MCM6: variants seen among roughly 807,000 people sequenced by gnomAD.
The protein encoded by MCM6 is DNA replication licensing factor MCM6.
Under a neutral mutation model 94.3 loss-of-function variants are expected in MCM6, and 46 were observed. The ratio of observed to expected loss-of-function variants is 0.49; its 90% CI spans 0.39 to 0.62. MCM6 has a LOEUF of 0.62. Among genes scored for constraint, MCM6 ranks in the 20% least tolerant of loss-of-function variants. The pLI is 0.00. For missense variants in MCM6, 865 were observed against 1,017.9 expected (o/e 0.85, Z 2.04); for synonymous variants, 335 against 351.9 (o/e 0.95, Z 0.54).
chr2:135,875,674 A>C (rs1467429548), intron 1 of MCM6, among the ~76,000 whole-genome samples: 1 of 152,172 alleles, frequency 6.6e-6, no homozygotes, highest in Non-Finnish European at 1.5e-5. Context: ...GGCCAGAGGG[A>C]AAGGGGAGCA....
intron 16 of MCM6, among the ~76,000 whole-genome samples, chr2:135,842,087 A>C (rs1254499362): frequency 6.6e-6 from 1 of 151,826 alleles, no homozygotes; most frequent in Admixed American, 6.6e-5. Flanking sequence ...TCTGGGCAAC[A>C]GAGCAAGACT....
chr2:135,843,509 T>C (rs1393067844), intron 16 of MCM6, among the ~76,000 whole-genome samples: 1 of 151,806 alleles, frequency 6.6e-6, no homozygotes, highest in Non-Finnish European at 1.5e-5. Context: ...AAAGTGAGCG[T>C]ATCGCCTGAG....
chr2:135,860,855 A>G (rs925877999), intron 8 of MCM6, among the ~76,000 whole-genome samples: 1 of 152,240 alleles, frequency 6.6e-6, no homozygotes, highest in Non-Finnish European at 1.5e-5. Flanking sequence ...CTTCTATTCA[A>G]CATTATACTG....
In MCM6 at chr2:135,840,608, T is replaced by C. The variant is rs1558751566; in HGVS notation, c.*227A>G. ...GACTACACATTATTTGGTTCCAACTTCACTGGGACAGGAAACACACCAAAG... is the reference window on the plus strand; with the variant it reads ...GACTACACATTATTTGGTTCCAACTCCACTGGGACAGGAAACACACCAAAG... On this transcript the variant is annotated 3_prime_UTR_variant, in exon 17 of 17. Coordinates refer to ENST00000264156, the MANE Select transcript of MCM6 (RefSeq NM_005915.6). 1.0e-5 allele frequency: 5 copies of C among 492,948 alleles called. No homozygotes were observed. The East Asian group carries it at 1.7e-4, about 17-fold the overall frequency. 30.5% of individuals were successfully genotyped at this position (492,948 alleles called of 1,614,324 possible).
chr2:135,856,864 G>A lies in MCM6; in HGVS notation c.1490C>T (p.Thr497Met), dbSNP rs1355429774. Residue 497 changes from threonine (T) to methionine (M), a missense_variant, in exon 11 of 17, where the codon ACG becomes ATG. Transcript: ENST00000264156. Reference protein sequence around the residue: ...AGVKATLNARTSILAAANPIS... With the variant: ...AGVKATLNARMSILAAANPIS... ...TGGGTTTGCTGCTGCCAAAATGGACGTCCGGGCGTTCAGAGTAGCCTGACC... is the reference window on the plus strand; with the variant it reads ...TGGGTTTGCTGCTGCCAAAATGGACATCCGGGCGTTCAGAGTAGCCTGACC... 2.5e-6 allele frequency: 4 copies of A among 1,613,824 alleles called. No homozygotes were observed. The highest frequency in any genetic ancestry group is 3.4e-6 in the Non-Finnish European group (4 of 1,179,870).
At chr2:135,852,505 A>G (rs1679796291) in intron 12 of MCM6, among the ~76,000 whole-genome samples, 2 of 152,222 alleles carry the variant, frequency 1.3e-5, no homozygotes, top group South Asian at 2.1e-4. Context: ...TGTTTGAAAT[A>G]AAAGAATGTT....
At position 135,844,548 on chromosome 2, in the gene MCM6, G is replaced by T; in HGVS notation, c.2346C>A (p.His782Gln). 1 of 1,566,460 alleles carries T rather than the reference G, an allele frequency of 6.4e-7. No individual in the cohort carries two copies. The highest frequency in any genetic ancestry group is 1.7e-4 in the Middle Eastern group (1 of 5,948). Residue 782 changes from histidine to glutamine, a missense_variant, in exon 16 of 17, where the codon CAC becomes CAA. Around this residue, in one of 3 missense-constraint regions of MCM6, gnomAD observed 308 missense variants for 324.5 expected, o/e 0.95. Coordinates refer to ENST00000264156, the MANE Select transcript of MCM6 (RefSeq NM_005915.6). ...GCACGCGCACTTCTGCACCTACATA[G>T]TGTGTGAGTCGATGAATAACTTTCT... is the stretch of plus-strand genomic sequence containing the variant. The part of the protein sequence containing the change: ...IIEKVIHRLT[H>Q]YDHVLIELTQ...
chr2:135,856,981 A>C, intron 10 of MCM6, 98 bp from the exon 11 acceptor site: 1 of 1,079,660 alleles, frequency 9.3e-7, no homozygotes, highest in Non-Finnish European at 1.3e-6. Flanking sequence ...ACTAAACACA[A>C]ACCAAAATAA....
At position 135,868,605 on chromosome 2, in the gene MCM6, A is replaced by G; in HGVS notation, c.615+6T>C. Reference sequence around the variant, plus strand: ...ACTCTGATCTAAACAGATGTTAAATAAATACCTTTTGAAAATCAACAAATC... The same window carrying G: ...ACTCTGATCTAAACAGATGTTAAATGAATACCTTTTGAAAATCAACAAATC... On this transcript the variant is annotated splice_donor_region_variant and intron_variant, in intron 4 of 16. Coordinates refer to ENST00000264156, the MANE Select transcript of MCM6 (RefSeq NM_005915.6). The G allele has an allele frequency of 6.2e-6, 10 of 1,613,518 alleles. No individual in the cohort carries two copies. The highest frequency in any genetic ancestry group is 8.5e-6 in the Non-Finnish European group (10 of 1,179,376).
intron 11 of MCM6, among the ~76,000 whole-genome samples, chr2:135,856,484 C>T (rs981632338): frequency 2.6e-5 from 4 of 152,172 alleles, no homozygotes; most frequent in Non-Finnish European, 4.4e-5. Flanking sequence ...AACTTGTTTC[C>T]TTTTGAGAAA....
rs1052124340 is a variant in MCM6 at position 135,851,347 on chromosome 2, A to G, written c.1917+55T>C. On this transcript the variant is annotated intron_variant, in intron 13 of 16. Transcript: ENST00000264156. ...GTATGTCCCATACCAAAGATTAAAA[A>G]CATGCAACAAATCTGTTTATCTCTG... The G allele has an allele frequency of 2.1e-6, 3 of 1,428,892 alleles. No individual in the cohort carries two copies. The African/African-American group carries it at 4.2e-5, about 20-fold the overall frequency. 88.5% of individuals were successfully genotyped at this position (1,428,892 alleles called of 1,614,324 possible). A position where few individuals can be genotyped will look rare whatever the true frequency, so the allele number is the denominator to read the frequency against.
intron 3 of MCM6, 118 bp from the exon 4 acceptor site, chr2:135,868,978 G>T: frequency 1.1e-6 from 1 of 922,836 alleles, no homozygotes; most frequent in Non-Finnish European, 1.6e-6. Context: ...CAAGAGACAA[G>T]GTATTCTTTG....
At chr2:135,856,245 C>G (rs1176543813) in intron 11 of MCM6, among the ~76,000 whole-genome samples, 1 of 152,084 alleles carries the variant, frequency 6.6e-6, no homozygotes, top group Non-Finnish European at 1.5e-5. Context: ...GAGTTCAAGA[C>G]CAGCCTGACC....
intron 1 of MCM6, among the ~76,000 whole-genome samples, chr2:135,874,713 A>T (rs557047332): frequency 1.2e-4 from 18 of 152,328 alleles, no homozygotes; most frequent in African/African-American, 3.8e-4. Flanking sequence ...ATTTCAAATT[A>T]GGGATGCAAT....
chr2:135,863,446 G>A (rs1418581252), intron 7 of MCM6, among the ~76,000 whole-genome samples: 1 of 152,186 alleles, frequency 6.6e-6, no homozygotes, highest in East Asian at 1.9e-4. Context: ...GGTGGCTTAT[G>A]CCTGTAATCT....
At chr2:135,842,268 C>T (rs910728311) in intron 16 of MCM6, among the ~76,000 whole-genome samples, 9 of 152,168 alleles carry the variant, frequency 5.9e-5, no homozygotes, top group African/African-American at 1.9e-4. Flanking sequence ...AAAAGCAACT[C>T]TGGACCCTGA....
chr2:135,848,274 T>C (rs1679707961), intron 13 of MCM6, 86 bp from the exon 14 acceptor site: 2 of 1,034,966 alleles, frequency 1.9e-6, no homozygotes, highest in Non-Finnish European at 2.9e-6. Context: ...GTAGTATGTA[T>C]TTTGGTTTTC....
chr2:135,866,366 A>G, intron 5 of MCM6, 89 bp from the exon 6 acceptor site: 2 of 1,516,238 alleles, frequency 1.3e-6, no homozygotes, highest in Non-Finnish European at 1.8e-6. Context: ...CTATAAATCC[A>G]AAGACTTCAC....
chr2:135,843,485 C>T (rs368494864), intron 16 of MCM6, among the ~76,000 whole-genome samples: 1 of 151,962 alleles, frequency 6.6e-6, no homozygotes, highest in East Asian at 1.9e-4. Flanking sequence ...GTAATCCCAG[C>T]AGTTTGGGAG....
Sources: gnomAD v4.1 joint callset for allele counts (sites outside exome capture counted in the v4.1 genomes callset) on GRCh38, gnomAD v4.1.1 for gene constraint, gnomAD v4.1.1 regional missense constraint, MANE v1.5 for transcripts, NCBI Gene and HGNC (gene_info 2026-07-23, HGNC 2026-07-21) for gene names.